Variants in FAR2 observed in about 807,000 individuals in gnomAD.
The protein encoded by FAR2 is fatty acyl-CoA reductase 2.
A neutral mutation model predicts 56.0 loss-of-function variants in FAR2; 19 were observed. That is an observed-to-expected ratio of 0.34 (90% CI 0.24 to 0.50). The LOEUF is 0.50. Among genes scored for constraint, FAR2 ranks in the 20% least tolerant of loss-of-function variants. The probability of loss-of-function intolerance (pLI) is 0.98; values close to 1 mark genes in which losing one functional copy is unlikely to be tolerated. For missense variants in FAR2, 508 were observed against 642.2 expected, an observed-to-expected ratio of 0.79 and a Z score of 2.26; for synonymous variants, 219 against 218.8, an observed-to-expected ratio of 1.00 and a Z score of -0.01.
chr12:29,327,336 A>T (rs1949665625), intron 10 of FAR2, among the ~76,000 whole-genome samples: 1 of 152,174 alleles, frequency 6.6e-6, no homozygotes, highest in Admixed American at 6.5e-5. Context: ...GCCCAAGGTA[A>T]TTTATAGATT....
intron 1 of FAR2, among the ~76,000 whole-genome samples, chr12:29,158,198 TTG>T (rs1377411946): frequency 1.3e-5 from 2 of 152,164 alleles, no homozygotes; most frequent in African/African-American, 4.8e-5. Flanking sequence ...AAAACCAACT[TTG>T]TATTTCTCTA....
chr12:29,251,987 G>T (rs1483819723), intron 1 of FAR2, among the ~76,000 whole-genome samples: 1 of 152,122 alleles, frequency 6.6e-6, no homozygotes, highest in East Asian at 1.9e-4. Context: ...GAAGGTCTTA[G>T]TTCGAGAGGG....
At chr12:29,296,186 G>GCTGT (rs139612608) in intron 3 of FAR2, among the ~76,000 whole-genome samples, 4 of 151,712 alleles carry the variant, frequency 2.6e-5, no homozygotes, top group Admixed American at 6.6e-5. Context: ...AATTTTTGTG[G>GCTGT]CTGTCTTTTT....
chr12:29,185,357 A>G (rs543199748), intron 1 of FAR2, among the ~76,000 whole-genome samples: 52 of 152,352 alleles, frequency 3.4e-4, no homozygotes, highest in Non-Finnish European at 6.8e-4. Flanking sequence ...TTGTTATGAG[A>G]GAGAAAGTTT....
chr12:29,199,982 GC>G (rs1947385735), intron 1 of FAR2, among the ~76,000 whole-genome samples: 2 of 152,078 alleles, frequency 1.3e-5, no homozygotes, highest in Admixed American at 1.3e-4. Context: ...TGAGTTTAAG[GC>G]TCAGGAGAGA....
intron 1 of FAR2, among the ~76,000 whole-genome samples, chr12:29,181,710 G>T (rs185963806): frequency 6.6e-6 from 1 of 152,320 alleles, no homozygotes; most frequent in Non-Finnish European, 1.5e-5. Flanking sequence ...CTCTAAGTTG[G>T]ATACCCTTCT....
intron 1 of FAR2, among the ~76,000 whole-genome samples, chr12:29,210,039 C>T (rs1204538261): frequency 2.6e-5 from 4 of 151,854 alleles, no homozygotes; most frequent in Non-Finnish European, 4.4e-5. Flanking sequence ...AGACCTCTGT[C>T]TCTATAAAAA....
At chr12:29,309,047 A>T in intron 5 of FAR2, 139 bp from the exon 6 acceptor site, 1 of 693,106 alleles carries the variant, frequency 1.4e-6, no homozygotes, top group Non-Finnish European at 2.5e-6. Flanking sequence ...TTGAGATCTT[A>T]ATAATACTGA....
At chr12:29,224,999 C>T (rs1326665686) in intron 1 of FAR2, among the ~76,000 whole-genome samples, 2 of 152,098 alleles carry the variant, frequency 1.3e-5, no homozygotes, top group African/African-American at 2.4e-5. Flanking sequence ...CAGGTGCCTC[C>T]CACTTGAGGC....
At chr12:29,169,832 G>GT (rs752898212) in intron 1 of FAR2, among the ~76,000 whole-genome samples, 11 of 152,178 alleles carry the variant, frequency 7.2e-5, no homozygotes, top group Admixed American at 1.3e-4. Context: ...TGCTATTCTA[G>GT]TTTCTGTAGC....
Position 29,307,739 on chromosome 12 carries a change from C to T in FAR2, c.627C>T (p.Ala209=), listed in dbSNP as rs143015118. Residue 209 remains alanine, a synonymous_variant, in exon 5 of 12, where the codon GCC becomes GCT. Coordinates refer to ENST00000536681, the MANE Select transcript of FAR2 (RefSeq NM_001271783.2). Reference sequence around the variant, plus strand: ...CCAATATTTATACCTACACCAAGGCCTTGGGAGAAATGGTGGTGCAGCAAG... The same window carrying T: ...CCAATATTTATACCTACACCAAGGCTTTGGGAGAAATGGTGGTGCAGCAAG... ...DWPNIYTYTK[A]LGEMVVQQES... is the part of the protein sequence containing the mutation. 56 of 1,613,910 alleles carry T rather than the reference C, an allele frequency of 3.5e-5. No homozygotes were observed. The East Asian group carries it at 1.2e-3, about 34-fold the overall frequency.
intron 1 of FAR2, among the ~76,000 whole-genome samples, chr12:29,164,547 T>G (rs2136580711): frequency 6.6e-6 from 1 of 152,304 alleles, no homozygotes; most frequent in East Asian, 1.9e-4. Flanking sequence ...ATCCAACATC[T>G]GAAGGCCCTT....
rs1330383707 is a variant in FAR2 at position 29,200,603 on chromosome 12, G to T, written c.-39+51196G>T. On this transcript the variant is annotated intron_variant, in intron 1 of 11. Coordinates refer to ENST00000536681, the MANE Select transcript of FAR2 (RefSeq NM_001271783.2). ...AGTTATAGAAATAGACACAAATCTTGTTGGAAGGCTGAGAAGTTTGCATAA... is the reference window on the plus strand; with the variant it reads ...AGTTATAGAAATAGACACAAATCTTTTTGGAAGGCTGAGAAGTTTGCATAA... Among the ~76,000 whole-genome samples the T allele has an allele frequency of 2.0e-5, 3 of 152,216 alleles. No individual in the cohort carries two copies. In the South Asian group the frequency reaches 6.2e-4, roughly 32 times the overall value.
chr12:29,197,283 CGTT>C (rs1304775203), intron 1 of FAR2, among the ~76,000 whole-genome samples: 1 of 152,104 alleles, frequency 6.6e-6, no homozygotes, highest in East Asian at 1.9e-4. Context: ...GAGAATCTGT[CGTT>C]GTATTTTGTA....
intron 1 of FAR2, among the ~76,000 whole-genome samples, chr12:29,262,717 A>G (rs1358564940): frequency 6.6e-6 from 1 of 152,186 alleles, no homozygotes; most frequent in African/African-American, 2.4e-5. Flanking sequence ...TAAAAGGAAG[A>G]CAGGAAGGAA....
chr12:29,326,194 T>G (rs1257002187), intron 10 of FAR2, among the ~76,000 whole-genome samples: 1 of 152,284 alleles, frequency 6.6e-6, no homozygotes, highest in East Asian at 1.9e-4. Context: ...CTCCCAAGAC[T>G]AAACCAGGAA....
At chr12:29,198,712 A>G (rs1245263253) in intron 1 of FAR2, among the ~76,000 whole-genome samples, 2 of 152,044 alleles carry the variant, frequency 1.3e-5, no homozygotes, top group Admixed American at 6.6e-5. Flanking sequence ...GCTACAATCA[A>G]CTCTATATTT....
At chr12:29,250,970 G>A (rs1948199804) in intron 1 of FAR2, among the ~76,000 whole-genome samples, 1 of 152,142 alleles carries the variant, frequency 6.6e-6, no homozygotes, top group African/African-American at 2.4e-5. Flanking sequence ...GCCAAGTAGT[G>A]GCACTCAATT....
chr12:29,153,496 T>C (rs572474626), intron 1 of FAR2, among the ~76,000 whole-genome samples: 19 of 152,250 alleles, frequency 1.2e-4, no homozygotes, highest in African/African-American at 4.3e-4. Flanking sequence ...AGGACACCAG[T>C]TGGAGAGGGG....
Sources: allele counts gnomAD v4.1 joint callset (sites outside exome capture counted in the v4.1 genomes callset), GRCh38; gene constraint gnomAD v4.1.1; transcripts MANE v1.5; gene names NCBI Gene and HGNC (gene_info 2026-07-23, HGNC 2026-07-21).